HHAT: variants seen among roughly 807,000 people sequenced by gnomAD.
The protein encoded by HHAT is hedgehog acyltransferase.
Under a neutral mutation model 70.8 loss-of-function variants are expected in HHAT, and 47 were observed. That is an observed-to-expected ratio of 0.66 (90% CI 0.53 to 0.85). HHAT has a LOEUF of 0.85. Among genes scored for constraint, HHAT ranks in the 40% least tolerant of loss-of-function variants. HHAT has a pLI of 0.00. For missense variants in HHAT, 609 were observed against 604.8 expected (o/e 1.01, Z -0.07); for synonymous variants, 228 against 247.6 (o/e 0.92, Z 0.74).
intron 8 of HHAT, among the ~76,000 whole-genome samples, chr1:210,508,688 G>A (rs756337054): frequency 6.6e-5 from 10 of 151,942 alleles, no homozygotes; most frequent in African/African-American, 9.7e-5. Context: ...AGCTATCACT[G>A]GTTTTATCAT....
At chr1:210,546,684 G>C (rs1255412468) in intron 9 of HHAT, among the ~76,000 whole-genome samples, 1 of 152,194 alleles carries the variant, frequency 6.6e-6, no homozygotes, top group Non-Finnish European at 1.5e-5. Flanking sequence ...CTTGTGTGGA[G>C]AGCGTATGGC....
intron 9 of HHAT, among the ~76,000 whole-genome samples, chr1:210,579,362 G>T (rs1468074933): frequency 2.0e-5 from 3 of 152,018 alleles, no homozygotes; most frequent in East Asian, 3.9e-4. Context: ...AGAGGAAGGG[G>T]GTCTTGCTAA....
At chr1:210,363,452 A>G (rs547918027) in intron 3 of HHAT, among the ~76,000 whole-genome samples, 4 of 152,166 alleles carry the variant, frequency 2.6e-5, no homozygotes, top group Non-Finnish European at 5.9e-5. Context: ...TCACATACCC[A>G]TGTCTTTCTA....
intron 1 of HHAT, among the ~76,000 whole-genome samples, chr1:210,337,238 A>C (rs2085583812): frequency 3.3e-5 from 5 of 152,212 alleles, no homozygotes; most frequent in Admixed American, 3.3e-4. Context: ...TGGATTAAAA[A>C]ACTTTTCTTC....
At position 210,468,993 on chromosome 1, in the gene HHAT, G is replaced by A. The variant is rs144687845; in HGVS notation, c.1007+4338G>A. ...AGAATACTACTACTTTGCCTCATAG[G>A]GGTGCTATGAGGATTGAGCGAGCCT... is the stretch of plus-strand genomic sequence containing the variant. On this transcript the variant is annotated intron_variant, in intron 8 of 11. Coordinates refer to ENST00000261458, the MANE Select transcript of HHAT (RefSeq NM_018194.6). Among the ~76,000 whole-genome samples the A allele has an allele frequency of 3.7e-3, 568 of 152,144 alleles. 1 individual carries two copies. The highest frequency in any genetic ancestry group is 9.8e-3 in the African/African-American group (408 of 41,492).
rs1355608067 is a variant in HHAT at position 210,653,267 on chromosome 1, G to A, written c.1391-21021G>A. On this transcript the variant is annotated intron_variant, in intron 11 of 11. Coordinates refer to ENST00000261458, the MANE Select transcript of HHAT (RefSeq NM_018194.6). ...GAATGAAAAGTCAACTACCAGCTGG[G>A]TGCAGTGGCTCACACCTGTAATCCC... 2.0e-5 allele frequency among the ~76,000 whole-genome samples: 3 copies of A among 152,170 alleles called. No individual in the cohort carries two copies. In the East Asian group the frequency reaches 5.8e-4, roughly 29 times the overall value.
In HHAT at chr1:210,392,170, G is replaced by T. The variant is rs188158558; in HGVS notation, c.273+4589G>T. On this transcript the variant is annotated intron_variant, in intron 4 of 11. Transcript: ENST00000261458. ...AGGCATGAGCTACTGCACCTGGCCG[G>T]ATATTTCATATATTTTTAACTGAAC... Among the ~76,000 whole-genome samples the T allele has an allele frequency of 4.2e-3, 639 of 152,188 alleles. 15 individuals are homozygous for T. The highest frequency in any genetic ancestry group is 0.037 in the Admixed American group (565 of 15,266).
At chr1:210,630,146 C>T (rs769290834) in intron 11 of HHAT, among the ~76,000 whole-genome samples, 1 of 152,138 alleles carries the variant, frequency 6.6e-6, no homozygotes, top group Non-Finnish European at 1.5e-5. Flanking sequence ...TGGCCTCCTC[C>T]TCTGTCTCTC....
At chr1:210,443,333 T>G (rs1034150916) in intron 7 of HHAT, among the ~76,000 whole-genome samples, 13 of 151,710 alleles carry the variant, frequency 8.6e-5, no homozygotes, top group African/African-American at 1.9e-4. Context: ...TGCGGGCTCT[T>G]TTTTGGTTCC....
chr1:210,567,190 G>A (rs942174001), intron 9 of HHAT, among the ~76,000 whole-genome samples: 1 of 152,136 alleles, frequency 6.6e-6, no homozygotes, highest in Non-Finnish European at 1.5e-5. Flanking sequence ...TTTGAAATCA[G>A]ACAAACCCAA....
intron 7 of HHAT, among the ~76,000 whole-genome samples, chr1:210,436,935 G>A (rs961658935): frequency 1.3e-5 from 2 of 151,854 alleles, no homozygotes; most frequent in Non-Finnish European, 1.5e-5. Context: ...ATCCCCTGGT[G>A]GAAGCACTTC....
intron 6 of HHAT, among the ~76,000 whole-genome samples, chr1:210,405,888 A>T (rs2092308977): frequency 6.6e-6 from 1 of 152,172 alleles, no homozygotes; most frequent in South Asian, 2.1e-4. Context: ...AATTGTGTTT[A>T]AAATTATTGT....
At chr1:210,532,877 G>A (rs1310232813) in intron 9 of HHAT, among the ~76,000 whole-genome samples, 2 of 152,186 alleles carry the variant, frequency 1.3e-5, no homozygotes, top group African/African-American at 4.8e-5. Context: ...GAGTCCTAGG[G>A]GGCAATGTGG....
At chr1:210,432,196 C>T (rs910397710) in intron 7 of HHAT, among the ~76,000 whole-genome samples, 9 of 151,648 alleles carry the variant, frequency 5.9e-5, no homozygotes, top group African/African-American at 2.2e-4. Context: ...AACTGTTGCA[C>T]ACATGTGATA....
chr1:210,437,826 C>T (rs954630268), intron 7 of HHAT, among the ~76,000 whole-genome samples: 7 of 151,920 alleles, frequency 4.6e-5, no homozygotes, highest in African/African-American at 1.7e-4. Flanking sequence ...ACAATCCTAA[C>T]TATCCCAGGA....
At chr1:210,572,662 G>A (rs1044817914) in intron 9 of HHAT, among the ~76,000 whole-genome samples, 28 of 152,154 alleles carry the variant, frequency 1.8e-4, no homozygotes, top group Non-Finnish European at 4.1e-4. Context: ...GGGAGGCCAA[G>A]GTGGGAGGAT....
At chr1:210,557,665 G>A (rs1050877271) in intron 9 of HHAT, among the ~76,000 whole-genome samples, 2 of 152,082 alleles carry the variant, frequency 1.3e-5, no homozygotes, top group Admixed American at 1.3e-4. Flanking sequence ...AAGCAAAAGC[G>A]GAAACCCCTG....
At chr1:210,466,805 A>G (rs76025247) in intron 8 of HHAT, among the ~76,000 whole-genome samples, 18,171 of 151,960 alleles carry the variant, frequency 0.12, 1,179 homozygotes, top group Middle Eastern at 0.18. Context: ...TCAGTTCTAT[A>G]TCAACCACAG....
Position 210,448,506 on chromosome 1 carries a change from T to G in HHAT, c.857-15999T>G, listed in dbSNP as rs148476125. Among the ~76,000 whole-genome samples the G allele has an allele frequency of 1.1e-4, 16 of 152,272 alleles. 1 individual carries two copies. The highest frequency in any genetic ancestry group is 3.6e-4 in the African/African-American group (15 of 41,552). On this transcript the variant is annotated intron_variant, in intron 7 of 11. Coordinates refer to ENST00000261458, the MANE Select transcript of HHAT (RefSeq NM_018194.6). ...GGAGGTGGCAGTAAAAGATAGCTAG[T>G]CATTTAAGCAATTCAAATTAGACCA...
Sources: allele counts gnomAD v4.1 joint callset (sites outside exome capture counted in the v4.1 genomes callset), GRCh38; gene constraint gnomAD v4.1.1; transcripts MANE v1.5; gene names NCBI Gene and HGNC (gene_info 2026-07-23, HGNC 2026-07-21).